Variants in FAM47E observed in about 807,000 individuals in gnomAD.
FAM47E encodes the protein protein FAM47E.
Under a neutral mutation model 41.6 loss-of-function variants are expected in FAM47E, and 32 were observed. That is an observed-to-expected ratio of 0.77 (90% CI 0.58 to 1.03). The LOEUF (loss-of-function observed/expected upper bound fraction) is 1.03, where lower values mean the gene tolerates loss of function less well. Among genes scored for constraint, FAM47E ranks in the 50% least tolerant of loss-of-function variants. The pLI is 0.00. For missense variants in FAM47E, 424 were observed against 485.4 expected, an observed-to-expected ratio of 0.87 and a Z score of 1.19; for synonymous variants, 184 against 188.7, an observed-to-expected ratio of 0.98 and a Z score of 0.20.
chr4:76,217,857 G>A (rs532143140), intron 2 of FAM47E, among the ~76,000 whole-genome samples: 3 of 152,232 alleles, frequency 2.0e-5, no homozygotes, highest in South Asian at 2.1e-4. Flanking sequence ...GCAATCATTC[G>A]GGACTTAGAA....
intron 2 of FAM47E, among the ~76,000 whole-genome samples, chr4:76,258,018 C>G (rs1734260605): frequency 6.6e-6 from 1 of 152,160 alleles, no homozygotes; most frequent in African/African-American, 2.4e-5. Flanking sequence ...CTGGGGCTTT[C>G]CCTCACTGCC....
At chr4:76,260,179 C>G (rs1252064770) in intron 2 of FAM47E, among the ~76,000 whole-genome samples, 5 of 152,096 alleles carry the variant, frequency 3.3e-5, no homozygotes, top group Non-Finnish European at 5.9e-5. Flanking sequence ...TGTAAAATTA[C>G]CAACATAATT....
intron 2 of FAM47E, 120 bp downstream of exon 2, chr4:76,256,643 TC>T: frequency 8.0e-7 from 1 of 1,249,226 alleles, no homozygotes; most frequent in Non-Finnish European, 1.1e-6. Flanking sequence ...GATGAATGTC[TC>T]CCCCAGGATG....
chr4:76,267,013 A>C, intron 3 of FAM47E, among the ~76,000 whole-genome samples: 1 of 141,456 alleles, frequency 7.1e-6, no homozygotes, highest in African/African-American at 2.8e-5. Flanking sequence ...CCCTACCATC[A>C]CTCTCCATCC....
chr4:76,271,504 A>G, intron 4 of FAM47E, 64 bp from the exon 5 acceptor site: 1 of 1,533,172 alleles, frequency 6.5e-7, no homozygotes, highest in East Asian at 2.5e-5. Flanking sequence ...CCCTCAGATT[A>G]AAGAAGAAAG....
chr4:76,228,678 C>A (rs1733442486), intron 2 of FAM47E, among the ~76,000 whole-genome samples: 1 of 152,084 alleles, frequency 6.6e-6, no homozygotes, highest in Non-Finnish European at 1.5e-5. Flanking sequence ...AGATAGTACC[C>A]CAATCCTTTC....
At chr4:76,221,453 G>A (rs1733305327) in intron 2 of FAM47E, among the ~76,000 whole-genome samples, 1 of 152,068 alleles carries the variant, frequency 6.6e-6, no homozygotes, top group Non-Finnish European at 1.5e-5. Flanking sequence ...CGAGTAGCTG[G>A]GATTACAGGC....
At chr4:76,222,964 C>T (rs988961216) in intron 2 of FAM47E, among the ~76,000 whole-genome samples, 1 of 152,080 alleles carries the variant, frequency 6.6e-6, no homozygotes, top group African/African-American at 2.4e-5. Flanking sequence ...GGGAATCGAC[C>T]ATGTAGGTGT....
intron 1 of FAM47E, among the ~76,000 whole-genome samples, chr4:76,216,814 A>G (rs1230949931): frequency 6.6e-6 from 1 of 152,230 alleles, no homozygotes; most frequent in Non-Finnish European, 1.5e-5. Flanking sequence ...AAATGTGTTA[A>G]CATAAGACAG....
intron 2 of FAM47E, among the ~76,000 whole-genome samples, chr4:76,242,884 G>A (rs566437438): frequency 1.3e-4 from 20 of 152,086 alleles, no homozygotes; most frequent in African/African-American, 4.8e-4. Context: ...TACTTACGTG[G>A]CTCACATTTG....
At chr4:76,219,724 G>A (rs952612961) in intron 2 of FAM47E, among the ~76,000 whole-genome samples, 3 of 152,054 alleles carry the variant, frequency 2.0e-5, no homozygotes, top group Admixed American at 2.0e-4. Flanking sequence ...TAGGGGTGCA[G>A]TAGTGGAATG....
intron 2 of FAM47E, among the ~76,000 whole-genome samples, chr4:76,226,192 C>T (rs578146716): frequency 2.0e-5 from 3 of 152,262 alleles, no homozygotes; most frequent in Admixed American, 1.3e-4. Context: ...TGCGAAGGCC[C>T]TGAGCTCTGG....
chr4:76,253,355 T>C (rs1330463465), intron 1 of FAM47E, among the ~76,000 whole-genome samples: 2 of 152,190 alleles, frequency 1.3e-5, no homozygotes, highest in Non-Finnish European at 2.9e-5. Flanking sequence ...GTACAGAATT[T>C]TCTGAGAACA....
chr4:76,230,133 A>T (rs532194550), intron 2 of FAM47E, among the ~76,000 whole-genome samples: 1 of 152,246 alleles, frequency 6.6e-6, no homozygotes, highest in South Asian at 2.1e-4. Context: ...TGGGATGGGT[A>T]GAGAAAAACC....
intron 2 of FAM47E, among the ~76,000 whole-genome samples, chr4:76,235,178 C>T (rs1325036675): frequency 6.6e-6 from 1 of 152,058 alleles, no homozygotes; most frequent in African/African-American, 2.4e-5. Flanking sequence ...ATTAGCCGGG[C>T]GTGGTGGCGG....
chr4:76,256,631 G>T (rs957484120), intron 2 of FAM47E, 108 bp downstream of exon 2: 15 of 1,307,514 alleles, frequency 1.1e-5, no homozygotes, highest in Non-Finnish European at 1.4e-5. Context: ...TATAAGAGGA[G>T]TGATGAATGT....
At chr4:76,215,537 G>C (rs373730903) in intron 1 of FAM47E, among the ~76,000 whole-genome samples, 6 of 152,334 alleles carry the variant, frequency 3.9e-5, no homozygotes, top group African/African-American at 1.4e-4. Flanking sequence ...TTGAGAGGTG[G>C]GGTCTATACT....
At chr4:76,228,348 G>A (rs1340954938) in intron 2 of FAM47E, among the ~76,000 whole-genome samples, 8 of 151,820 alleles carry the variant, frequency 5.3e-5, no homozygotes, top group Admixed American at 5.2e-4. Context: ...GTGTGGTAGT[G>A]CATGCCTGTA....
intron 2 of FAM47E, among the ~76,000 whole-genome samples, chr4:76,219,759 A>G (rs992132398): frequency 9.2e-5 from 14 of 152,134 alleles, no homozygotes; most frequent in Admixed American, 7.2e-4. Flanking sequence ...TAGATATTAG[A>G]CTATGGAAAG....
Sources: gnomAD v4.1 joint callset for allele counts (sites outside exome capture counted in the v4.1 genomes callset) on GRCh38, gnomAD v4.1.1 for gene constraint, MANE v1.5 for transcripts, NCBI Gene and HGNC (gene_info 2026-07-23, HGNC 2026-07-21) for gene names.